ARMC2: variants seen among roughly 807,000 people sequenced by gnomAD.
ARMC2 encodes the protein armadillo repeat containing 2.
Under a neutral mutation model 90.3 loss-of-function variants are expected in ARMC2, and 67 were observed. The observed-to-expected ratio is 0.74, with a 90% CI of 0.61 to 0.91. ARMC2 has a LOEUF of 0.91. Among genes scored for constraint, ARMC2 ranks in the 40% least tolerant of loss-of-function variants. The probability of loss-of-function intolerance (pLI) is 0.00; values close to 1 mark genes in which losing one functional copy is unlikely to be tolerated. For synonymous variants in ARMC2, 393 were observed against 393.0 expected (o/e 1.00, Z 0.00); for missense variants, 920 against 1,030.9 (o/e 0.89, Z 1.47).
At chr6:108,967,396 G>C (rs768192978) in intron 17 of ARMC2, among the ~76,000 whole-genome samples, 4 of 152,196 alleles carry the variant, frequency 2.6e-5, no homozygotes, top group Admixed American at 2.6e-4. Context: ...GGCCGGGGCC[G>C]TGTGGCATAA....
At chr6:108,989,518 G>GAGAT in the ARMC2 span, among the ~76,000 whole-genome samples, 4 of 139,854 alleles carry the variant, frequency 2.9e-5, no homozygotes, top group Admixed American at 7.0e-5. Context: ...TATATATATA[G>GAGAT]AGAGATATCT....
At position 108,918,698 on chromosome 6, in the gene ARMC2, A is replaced by C. The variant is rs2071153757; in HGVS notation, c.1350+6140A>C. ...CATAAGCTGGCCTCTCAGCTGGGAC[A>C]CTGAGCCCACTTTACCCTCTGAGCC... is the stretch of plus-strand genomic sequence containing the variant. On this transcript the variant is annotated intron_variant, in intron 10 of 17. Coordinates refer to ENST00000392644, the MANE Select transcript of ARMC2 (RefSeq NM_032131.6). 2.0e-5 allele frequency among the ~76,000 whole-genome samples: 3 copies of C among 152,152 alleles called. No homozygotes were observed. The South Asian group carries it at 6.2e-4, about 32-fold the overall frequency.
chr6:108,987,922 C>T, the ARMC2 span, among the ~76,000 whole-genome samples: 2 of 151,736 alleles, frequency 1.3e-5, no homozygotes, highest in African/African-American at 4.8e-5. Flanking sequence ...CATGCCTCAG[C>T]TTCCCATGTA....
the ARMC2 span, among the ~76,000 whole-genome samples, chr6:109,031,940 T>C: frequency 6.6e-6 from 1 of 152,210 alleles, no homozygotes; most frequent in Non-Finnish European, 1.5e-5. Context: ...AATTCACTTG[T>C]TTCATATACA....
the ARMC2 span, chr6:109,001,469 T>G: frequency 6.2e-7 from 1 of 1,613,312 alleles, no homozygotes. Context: ...CTGTGCGTCT[T>G]CACTCCCCAC....
chr6:108,921,685 T>C (rs1377336415), intron 10 of ARMC2, among the ~76,000 whole-genome samples: 1 of 152,236 alleles, frequency 6.6e-6, no homozygotes, highest in Non-Finnish European at 1.5e-5. Flanking sequence ...AAGAAATGAA[T>C]CTGCCTTTAT....
chr6:108,988,396 GA>G, the ARMC2 span: 1 of 617,950 alleles, frequency 1.6e-6, no homozygotes. Flanking sequence ...GTTCCCTTCT[GA>G]AGGGGTACCT....
At chr6:108,946,745 ATG>A (rs1292202413) in intron 12 of ARMC2, among the ~76,000 whole-genome samples, 1 of 152,220 alleles carries the variant, frequency 6.6e-6, no homozygotes, top group Non-Finnish European at 1.5e-5. Flanking sequence ...TTTTTCTAAA[ATG>A]TGTTCCTTTA....
intron 5 of ARMC2, among the ~76,000 whole-genome samples, chr6:108,888,498 G>A (rs2806369): frequency 0.78 from 118,848 of 152,184 alleles, 46,699 homozygotes; most frequent in South Asian, 0.85. Context: ...GATTATCAAG[G>A]AGAAAAAGAA....
the ARMC2 span, chr6:109,001,429 AG>A: frequency 6.2e-7 from 1 of 1,613,928 alleles, no homozygotes; most frequent in Non-Finnish European, 8.5e-7. Flanking sequence ...GGCCCAAAGC[AG>A]CAAAAGAATC....
At chr6:108,961,530 C>T (rs1363780566) in intron 13 of ARMC2, 42 bp from the exon 14 acceptor site, 1 of 1,550,576 alleles carries the variant, frequency 6.4e-7, no homozygotes, top group Non-Finnish European at 8.7e-7. Context: ...GGTTCTACTC[C>T]TGCAGTGGGT....
chr6:109,031,498 C>T, the ARMC2 span, among the ~76,000 whole-genome samples: 1,326 of 152,246 alleles, frequency 8.7e-3, 25 homozygotes, highest in African/African-American at 0.03. Context: ...TCAAGTCTTT[C>T]CCCTCTAATC....
At chr6:108,912,262 C>T in intron 9 of ARMC2, 73 bp from the exon 10 acceptor site, 1 of 1,082,508 alleles carries the variant, frequency 9.2e-7, no homozygotes, top group Non-Finnish European at 1.3e-6. Context: ...TTTATGTTCA[C>T]ACACAAGTGC....
the ARMC2 span, among the ~76,000 whole-genome samples, chr6:109,020,901 C>G: frequency 6.6e-6 from 1 of 152,218 alleles, no homozygotes; most frequent in South Asian, 2.1e-4. Flanking sequence ...CTACTTAAAC[C>G]ATTTGATGGT....
At chr6:108,858,485 A>G (rs1774885052) in intron 3 of ARMC2, among the ~76,000 whole-genome samples, 1 of 152,032 alleles carries the variant, frequency 6.6e-6, no homozygotes, top group African/African-American at 2.4e-5. Context: ...ATAGTTTGAT[A>G]ATAAAGAAGA....
chr6:108,924,577 G>A (rs564100192), intron 10 of ARMC2, among the ~76,000 whole-genome samples: 5 of 152,168 alleles, frequency 3.3e-5, no homozygotes, highest in Admixed American at 6.5e-5. Flanking sequence ...GGAGGAAGCC[G>A]CCTATTCAAA....
chr6:108,983,619 A>G, the ARMC2 span, among the ~76,000 whole-genome samples: 1 of 152,164 alleles, frequency 6.6e-6, no homozygotes, highest in Non-Finnish European at 1.5e-5. Context: ...ACTTTGTGCC[A>G]GTTCCACATT....
chr6:109,045,184 T>C, the ARMC2 span, among the ~76,000 whole-genome samples: 2 of 152,130 alleles, frequency 1.3e-5, no homozygotes, highest in African/African-American at 4.8e-5. Context: ...ACACCCTTAC[T>C]AACCTCTTGT....
At chr6:108,994,568 C>CT in the ARMC2 span, 2 of 1,613,492 alleles carry the variant, frequency 1.2e-6, no homozygotes, top group South Asian at 2.2e-5. Flanking sequence ...ACTGCCTCAT[C>CT]TTTTCCATGA....
Sources: gnomAD v4.1 joint callset for allele counts (sites outside exome capture counted in the v4.1 genomes callset) on GRCh38, gnomAD v4.1.1 for gene constraint, MANE v1.5 for transcripts, NCBI Gene and HGNC (gene_info 2026-07-23, HGNC 2026-07-21) for gene names.